ABCC9: variants seen among roughly 807,000 people sequenced by gnomAD.
ABCC9 encodes the protein ATP-binding cassette sub-family C member 9.
Under a neutral mutation model 188.3 loss-of-function variants are expected in ABCC9, and 95 were observed. The observed-to-expected ratio is 0.50, with a 90% CI of 0.43 to 0.60. ABCC9 has a LOEUF of 0.60. ABCC9 is among the 20% of genes least tolerant of loss of function. The pLI is 0.00. For synonymous variants in ABCC9, 659 were observed against 652.7 expected (o/e 1.01, Z -0.15); for missense variants, 1,102 against 1,876.3 (o/e 0.59, Z 7.62).
chr12:21,870,143 GTAA>G (rs1008729863), intron 18 of ABCC9, among the ~76,000 whole-genome samples: 2 of 151,808 alleles, frequency 1.3e-5, no homozygotes. Context: ...AATTTTATTT[GTAA>G]TAATTGGCAC....
intron 7 of ABCC9, 152 bp downstream of exon 7, chr12:21,915,516 T>TATATATATATATA (rs1948562431): frequency 1.1e-4 from 1 of 8,990 alleles, no homozygotes; most frequent in African/African-American, 4.2e-4. Flanking sequence ...ATATATATAT[T>TATATATATATATA]TTTTTTTTTT....
At chr12:21,928,950 G>A (rs949840296) in intron 4 of ABCC9, among the ~76,000 whole-genome samples, 2 of 152,166 alleles carry the variant, frequency 1.3e-5, no homozygotes, top group East Asian at 1.9e-4. Flanking sequence ...TCCCATTACA[G>A]CAGAAAGTCT....
intron 39 of ABCC9, among the ~76,000 whole-genome samples, chr12:21,803,674 A>C (rs1392812852): frequency 6.6e-6 from 1 of 151,160 alleles, no homozygotes; most frequent in Non-Finnish European, 1.5e-5. Flanking sequence ...AAAAAAAAAA[A>C]ACATTGAAAA....
At chr12:21,842,921 A>T (rs1373472665) in intron 28 of ABCC9, among the ~76,000 whole-genome samples, 1 of 152,072 alleles carries the variant, frequency 6.6e-6, no homozygotes, top group Non-Finnish European at 1.5e-5. Context: ...TGAGTGAATT[A>T]ATTTTTCCTT....
rs780676951 is a variant in ABCC9, at chr12:21,845,813, A to G, written c.2886T>C (p.Asp962=). Reference sequence around the variant, plus strand: ...TTACAGTGGACATGTTATCATCCTCATCTTCCTCCTCTTCTTCCTCTACAT... The same window carrying G: ...TTACAGTGGACATGTTATCATCCTCGTCTTCCTCCTCTTCTTCCTCTACAT... The part of the protein sequence containing the change: ...DEDEEEEEEE[D]EDDNMSTVMR... Residue 962 remains aspartate (D), a synonymous_variant, in exon 26 of 40, where the codon GAT becomes GAC. Coordinates refer to ENST00000261200, the MANE Select transcript of ABCC9 (RefSeq NM_020297.4). The G allele has an allele frequency of 8.7e-6, 14 of 1,613,438 alleles. No individual in the cohort carries two copies. Among genetic ancestry groups the G allele is most frequent in the African/African-American group, 1.3e-5 (1 of 75,016 alleles).
At chr12:21,926,198 A>G in intron 4 of ABCC9, 135 bp from the exon 5 acceptor site, 1 of 1,215,952 alleles carries the variant, frequency 8.2e-7, no homozygotes, top group Non-Finnish European at 1.2e-6. Flanking sequence ...AGTTTCCAAG[A>G]TAATACATAA....
rs376754153 is a variant in ABCC9 at position 21,852,412 on chromosome 12, C to T, written c.2599G>A (p.Val867Ile). The T allele has an allele frequency of 1.7e-5, 27 of 1,613,782 alleles. No homozygotes were observed. The highest frequency in any genetic ancestry group is 1.2e-4 in the African/African-American group (9 of 74,882). ...KFLQDDKRTL[V>I]LVTHKLQYLT... ...TACTGTAATTTGTGAGTCACAAGAA[C>T]GAGTGTCCTTTTGTCATCTTGCAGG... Residue 867 changes from valine (V) to isoleucine (I), a missense_variant, in exon 23 of 40, where the codon GTT (valine) becomes ATT (isoleucine). Coordinates refer to ENST00000261200, the MANE Select transcript of ABCC9 (RefSeq NM_020297.4).
chr12:21,921,397 G>A (rs1013968178), intron 5 of ABCC9, among the ~76,000 whole-genome samples: 1 of 151,866 alleles, frequency 6.6e-6, no homozygotes, highest in Non-Finnish European at 1.5e-5. Context: ...CAGATCTTTT[G>A]CCCCTTTTTT....
rs1351535094 is a variant in ABCC9 at position 21,799,717 on chromosome 12, C to G, written c.*1327G>C. 6.6e-6 allele frequency: 1 copy of G among 152,132 alleles called. No homozygotes were observed. Among genetic ancestry groups the G allele is most frequent in the Non-Finnish European group, 1.5e-5 (1 of 68,026 alleles). The allele number at this position is 152,132 out of a possible 1,614,324, so 9.4% of individuals were successfully genotyped here. A position where few individuals can be genotyped will look rare whatever the true frequency, so the allele number is the denominator to read the frequency against. ...AGTGGCATAATTTCTCTTAATTCAT[C>G]AATTTTATATATCTTCACAATCTTA... On this transcript the variant is annotated 3_prime_UTR_variant, in exon 40 of 40. Coordinates refer to ENST00000261200, the MANE Select transcript of ABCC9 (RefSeq NM_020297.4).
intron 12 of ABCC9, 91 bp downstream of exon 12, chr12:21,906,035 A>T (rs1414795625): frequency 7.2e-7 from 1 of 1,392,696 alleles, no homozygotes; most frequent in Non-Finnish European, 1.0e-6. Flanking sequence ...AAGAACTAGA[A>T]TGTTTCATTG....
rs796559062 is a variant in ABCC9, at chr12:21,862,968, G to T, written c.2324C>A (p.Pro775His). 6 of 1,608,204 alleles carry T rather than the reference G, an allele frequency of 3.7e-6. No homozygotes were observed. The highest frequency in any genetic ancestry group is 5.1e-6 in the Non-Finnish European group (6 of 1,175,254). ...TVEENITFGS[P>H]FNKQRYKAVT... ...TCAAAATTACCTCTGTTTGTTAAAA[G>T]GACTTCCAAAAGTAATATTTTCTTC... is the stretch of plus-strand genomic sequence containing the variant. The change falls in exon 20 of 40, where the codon CCT becomes CAT. Residue 775 changes from proline to histidine, a missense_variant. Physicochemically the swap from Pro to His is moderately conservative, Grantham distance 77. Transcript: ENST00000261200.
intron 12 of ABCC9, 91 bp from the exon 13 acceptor site, chr12:21,895,406 G>GTCCTTCCTGTCTTCA: frequency 8.9e-7 from 1 of 1,123,752 alleles, no homozygotes; most frequent in Non-Finnish European, 1.4e-6. Flanking sequence ...AACTTTCTTT[G>GTCCTTCCTGTCTTCA]AAGACAGGAA....
chr12:21,830,211 G>T (rs1943679027), intron 30 of ABCC9, among the ~76,000 whole-genome samples: 1 of 152,120 alleles, frequency 6.6e-6, no homozygotes, highest in Non-Finnish European at 1.5e-5. Flanking sequence ...ATATCTCAAA[G>T]AAATTCATGT....
intron 19 of ABCC9, among the ~76,000 whole-genome samples, chr12:21,863,508 A>G (rs550544701): frequency 2.0e-5 from 3 of 152,340 alleles, no homozygotes; most frequent in Non-Finnish European, 4.4e-5. Context: ...TCACATTAAC[A>G]TATTTTATGG....
At chr12:21,879,315 C>T (rs775445824) in intron 16 of ABCC9, among the ~76,000 whole-genome samples, 68 of 152,228 alleles carry the variant, frequency 4.5e-4, no homozygotes, top group Non-Finnish European at 8.2e-4. Flanking sequence ...GAGTATCAGG[C>T]ATACAGGGAA....
intron 31 of ABCC9, among the ~76,000 whole-genome samples, chr12:21,819,297 G>C (rs117006040): frequency 6.6e-6 from 1 of 152,154 alleles, no homozygotes; most frequent in East Asian, 1.9e-4. Context: ...TCCTTCTCTA[G>C]ATAGATTTGT....
In ABCC9 at chr12:21,882,784, T is replaced by C. The variant is rs549032386; in HGVS notation, c.2001A>G (p.Thr667=). The C allele has an allele frequency of 3.0e-5, 48 of 1,612,682 alleles. No homozygotes were observed. The South Asian group carries it at 4.9e-4, about 17-fold the overall frequency. The stretch of plus-strand genomic sequence containing the variant: ...AAATAACCTTTATTGCAATGTCCTC[T>C]GTTTCTGCGGGACGTAGACGCCGTG... ...QSTRRLRPAE[T]EDIAIKVTNG... The change falls in exon 16 of 40, where the codon ACA becomes ACG. Residue 667 remains threonine, a synonymous_variant. Coordinates refer to ENST00000261200, the MANE Select transcript of ABCC9 (RefSeq NM_020297.4).
intron 5 of ABCC9, among the ~76,000 whole-genome samples, chr12:21,919,489 C>T (rs1300263211): frequency 1.3e-5 from 2 of 151,776 alleles, no homozygotes; most frequent in African/African-American, 4.8e-5. Context: ...AGTAGATACT[C>T]TGAAAATTCT....
intron 28 of ABCC9, among the ~76,000 whole-genome samples, chr12:21,843,825 A>G (rs918060376): frequency 6.6e-6 from 1 of 152,136 alleles, no homozygotes; most frequent in Non-Finnish European, 1.5e-5. Flanking sequence ...GCATGCATCA[A>G]CCCTCTTTCT....
Sources: gnomAD v4.1 joint callset for allele counts (sites outside exome capture counted in the v4.1 genomes callset) on GRCh38, gnomAD v4.1.1 for gene constraint, MANE v1.5 for transcripts, NCBI Gene and HGNC (gene_info 2026-07-23, HGNC 2026-07-21) for gene names.